PID1: variants seen among roughly 807,000 people sequenced by gnomAD.
PID1 encodes the protein PTB-containing, cubilin and LRP1-interacting protein.
In PID1, 10 loss-of-function variants were observed where a neutral mutation model predicts 19.1. The ratio of observed to expected loss-of-function variants is 0.52; its 90% CI spans 0.32 to 0.89. The LOEUF (loss-of-function observed/expected upper bound fraction) is 0.89, where lower values mean the gene tolerates loss of function less well. Among genes scored for constraint, PID1 ranks in the 40% least tolerant of loss-of-function variants. PID1 has a pLI of 0.03. For synonymous variants in PID1, 130 were observed against 116.0 expected (o/e 1.12, Z -0.78); for missense variants, 248 against 285.3 (o/e 0.87, Z 0.94).
chr2:229,202,590 C>T (rs1481409058), intron 1 of PID1, among the ~76,000 whole-genome samples: 1 of 151,956 alleles, frequency 6.6e-6, no homozygotes, highest in African/African-American at 2.4e-5. Context: ...CAGATTCCAC[C>T]ATACCAGCCT....
chr2:229,232,097 G>T (rs1432986138), intron 1 of PID1: 1 of 1,493,632 alleles, frequency 6.7e-7, no homozygotes, highest in South Asian at 1.4e-5. Flanking sequence ...CCATTCAAGA[G>T]GGGAGGAGCC....
At chr2:229,195,358 C>G (rs1302781517) in intron 1 of PID1, among the ~76,000 whole-genome samples, 1 of 151,832 alleles carries the variant, frequency 6.6e-6, no homozygotes, top group Non-Finnish European at 1.5e-5. Flanking sequence ...CACACATGCA[C>G]ATACACACAT....
intron 1 of PID1, among the ~76,000 whole-genome samples, chr2:229,205,253 CAT>C (rs35203409): frequency 0.26 from 39,544 of 151,718 alleles, 5,814 homozygotes; most frequent in East Asian, 0.63. Context: ...CATACACACA[CAT>C]ACTACATACA....
chr2:229,071,359 G>A (rs1378053974), intron 2 of PID1, among the ~76,000 whole-genome samples: 1 of 152,190 alleles, frequency 6.6e-6, no homozygotes, highest in African/African-American at 2.4e-5. Context: ...TTGTCCAGGT[G>A]TTGTTGTTGG....
At chr2:229,195,849 C>T (rs932158100) in intron 1 of PID1, among the ~76,000 whole-genome samples, 3 of 151,964 alleles carry the variant, frequency 2.0e-5, no homozygotes, top group African/African-American at 7.2e-5. Flanking sequence ...GAGTCTTAAT[C>T]AAAACAACAA....
At chr2:229,123,284 T>C (rs1236566153) in intron 2 of PID1, among the ~76,000 whole-genome samples, 2 of 152,320 alleles carry the variant, frequency 1.3e-5, no homozygotes, top group East Asian at 3.9e-4. Context: ...TATGTGGTCA[T>C]TTGTGACTAG....
intron 1 of PID1, among the ~76,000 whole-genome samples, chr2:229,223,149 A>G (rs1283182292): frequency 6.6e-6 from 1 of 152,108 alleles, no homozygotes; most frequent in Non-Finnish European, 1.5e-5. Context: ...ATTGTGGCCA[A>G]ATTGCTTTTC....
At chr2:229,087,089 T>C (rs1354033263) in intron 2 of PID1, among the ~76,000 whole-genome samples, 1 of 152,200 alleles carries the variant, frequency 6.6e-6, no homozygotes, top group Non-Finnish European at 1.5e-5. Context: ...GTCTGAGGCA[T>C]ACACATTGTG....
chr2:229,054,192 T>C (rs1376760271), intron 2 of PID1, among the ~76,000 whole-genome samples: 3 of 152,166 alleles, frequency 2.0e-5, no homozygotes, highest in Non-Finnish European at 2.9e-5. Context: ...GTTTGCTCAG[T>C]ACAACTGATA....
chr2:229,053,386 T>G (rs1236355017), intron 2 of PID1, among the ~76,000 whole-genome samples: 2 of 152,206 alleles, frequency 1.3e-5, no homozygotes, highest in East Asian at 3.9e-4. Flanking sequence ...AAGCAAACAT[T>G]TACTGAGCAC....
At chr2:229,045,877 T>G (rs1693864879) in intron 2 of PID1, among the ~76,000 whole-genome samples, 1 of 152,228 alleles carries the variant, frequency 6.6e-6, no homozygotes, top group Non-Finnish European at 1.5e-5. Flanking sequence ...AGAGAGCCCT[T>G]GCCTGGTCAC....
At position 229,245,036 on chromosome 2, in the gene PID1, T is replaced by G. The variant is rs1432318047; in HGVS notation, c.30+25978A>C. On this transcript the variant is annotated intron_variant, in intron 1 of 2. Transcript: ENST00000392055. Reference sequence around the variant, plus strand: ...AAGATCAAAATCGCACACACAGGTCTGTTGTGTTGCAAAGCCCATCTCCAC... The same window carrying G: ...AAGATCAAAATCGCACACACAGGTCGGTTGTGTTGCAAAGCCCATCTCCAC... The G allele has an allele frequency of 2.0e-5, 3 of 152,146 alleles. No homozygotes were observed. The East Asian group carries it at 5.8e-4, about 29-fold the overall frequency. The allele number at this position is 152,146 out of a possible 1,614,324, so 9.4% of individuals were successfully genotyped here. A position where few individuals can be genotyped will look rare whatever the true frequency, so the allele number is the denominator to read the frequency against.
chr2:229,229,119 A>G (rs1289433656), intron 1 of PID1, among the ~76,000 whole-genome samples: 3 of 152,220 alleles, frequency 2.0e-5, no homozygotes, highest in Non-Finnish European at 2.9e-5. Context: ...TGTGTGCAGT[A>G]AAGACTGTGA....
intron 2 of PID1, among the ~76,000 whole-genome samples, chr2:229,118,722 T>C (rs1006261595): frequency 2.6e-5 from 4 of 152,128 alleles, no homozygotes; most frequent in African/African-American, 9.7e-5. Context: ...GGGAAAGTAC[T>C]AAACATGAAA....
chr2:229,186,909 G>C (rs1691144647), intron 1 of PID1, among the ~76,000 whole-genome samples: 1 of 152,136 alleles, frequency 6.6e-6, no homozygotes, highest in African/African-American at 2.4e-5. Context: ...CAGCACCCAA[G>C]TCAACTCTTG....
chr2:229,086,471 A>G (rs1008826104), intron 2 of PID1, among the ~76,000 whole-genome samples: 4 of 152,222 alleles, frequency 2.6e-5, no homozygotes, highest in African/African-American at 9.6e-5. Flanking sequence ...TACTGAAGCC[A>G]TATTGCTTTT....
At chr2:229,097,702 T>G (rs1398637513) in intron 2 of PID1, among the ~76,000 whole-genome samples, 4 of 152,176 alleles carry the variant, frequency 2.6e-5, no homozygotes, top group Non-Finnish European at 5.9e-5. Context: ...TTTTAATCAC[T>G]ATTTCTCTTG....
intron 1 of PID1, among the ~76,000 whole-genome samples, chr2:229,240,424 C>T (rs546097719): frequency 6.6e-5 from 10 of 152,072 alleles, no homozygotes; most frequent in African/African-American, 1.4e-4. Flanking sequence ...CAGAGGTTCC[C>T]AAACCAAGTA....
intron 1 of PID1, among the ~76,000 whole-genome samples, chr2:229,161,994 GCAA>G (rs1690501197): frequency 6.6e-6 from 1 of 152,190 alleles, no homozygotes; most frequent in African/African-American, 2.4e-5. Context: ...TTATAAAAAG[GCAA>G]CAAAAGAAGA....
Sources: gnomAD v4.1 joint callset for allele counts (sites outside exome capture counted in the v4.1 genomes callset) on GRCh38, gnomAD v4.1.1 for gene constraint, MANE v1.5 for transcripts, NCBI Gene and HGNC (gene_info 2026-07-23, HGNC 2026-07-21) for gene names.